Variants in LOXHD1 observed in about 807,000 individuals in gnomAD.
LOXHD1 encodes the protein lipoxygenase homology domain-containing protein 1.
Under a neutral mutation model 248.2 loss-of-function variants are expected in LOXHD1, and 205 were observed. The ratio of observed to expected loss-of-function variants is 0.83; its 90% CI spans 0.74 to 0.93. The LOEUF (loss-of-function observed/expected upper bound fraction) is 0.93, where lower values mean the gene tolerates loss of function less well. LOXHD1 is among the 40% of genes least tolerant of loss of function. The pLI is 0.00. For missense variants in LOXHD1, 2,930 were observed against 2,971.6 expected, an observed-to-expected ratio of 0.99 and a Z score of 0.33; for synonymous variants, 1,113 against 1,162.8, an observed-to-expected ratio of 0.96 and a Z score of 0.87.
At chr18:46,569,066 G>C (rs2037698729) in intron 16 of LOXHD1, among the ~76,000 whole-genome samples, 1 of 147,222 alleles carries the variant, frequency 6.8e-6, no homozygotes, top group Non-Finnish European at 1.5e-5. Context: ...CCTTTTCTTA[G>C]TCCTCCCTTC....
In LOXHD1 at chr18:46,569,167, C is replaced by T. The variant is rs368999781; in HGVS notation, c.2244+275G>A. On this transcript the variant is annotated intron_variant, in intron 16 of 40. Transcript: ENST00000642948. The stretch of plus-strand genomic sequence containing the variant: ...TATGTAGGTAAATAAAATGTTGAGG[C>T]AATGCCACTAAAAATACACATTCCA... 1.2e-4 allele frequency among the ~76,000 whole-genome samples: 19 copies of T among 152,298 alleles called. No individual in the cohort carries two copies. The East Asian group carries it at 3.1e-3, about 25-fold the overall frequency.
chr18:46,542,186 T>C (rs763586336), intron 24 of LOXHD1, among the ~76,000 whole-genome samples: 12 of 152,142 alleles, frequency 7.9e-5, no homozygotes, highest in Non-Finnish European at 1.6e-4. Context: ...CAATAGGAGA[T>C]GACAGGAGAG....
At chr18:46,482,721 T>C (rs1234293934) in intron 40 of LOXHD1, among the ~76,000 whole-genome samples, 1 of 152,236 alleles carries the variant, frequency 6.6e-6, no homozygotes, top group Non-Finnish European at 1.5e-5. Flanking sequence ...AGGTCCAGCC[T>C]GGCTGCCGCT....
At chr18:46,618,108 C>T in intron 5 of LOXHD1, 84 bp downstream of exon 5, 5 of 1,014,342 alleles carry the variant, frequency 4.9e-6, no homozygotes, top group South Asian at 1.5e-5. Context: ...GCTCAAGCTG[C>T]CTTCCTCTGC....
chr18:46,493,703 T>C (rs2033645385), intron 37 of LOXHD1, among the ~76,000 whole-genome samples: 1 of 152,208 alleles, frequency 6.6e-6, no homozygotes, highest in African/African-American at 2.4e-5. Context: ...TTAGAAACTG[T>C]GCAGTGTGAG....
chr18:46,645,535 G>A (rs1568232550), intron 2 of LOXHD1, among the ~76,000 whole-genome samples: 1 of 152,218 alleles, frequency 6.6e-6, no homozygotes, highest in Non-Finnish European at 1.5e-5. Flanking sequence ...ACATGACTCA[G>A]AGCTGGAGGT....
chr18:46,611,913 G>A (rs2038514217), intron 5 of LOXHD1, among the ~76,000 whole-genome samples: 1 of 152,142 alleles, frequency 6.6e-6, no homozygotes, highest in South Asian at 2.1e-4. Context: ...TATCTATAAA[G>A]ACGGCTCCTG....
intron 16 of LOXHD1, 65 bp from the exon 17 acceptor site, chr18:46,566,514 C>A: frequency 7.2e-7 from 1 of 1,391,964 alleles, no homozygotes; most frequent in South Asian, 1.2e-5. Context: ...GATCCCATCC[C>A]TACCTCCCCA....
intron 16 of LOXHD1, among the ~76,000 whole-genome samples, chr18:46,567,838 C>G (rs1457401370): frequency 6.6e-6 from 1 of 152,126 alleles, no homozygotes; most frequent in African/African-American, 2.4e-5. Flanking sequence ...CGGTTGGCAG[C>G]CAGAGCCCAT....
chr18:46,625,811 G>A (rs1227565369), intron 4 of LOXHD1, among the ~76,000 whole-genome samples: 1 of 152,098 alleles, frequency 6.6e-6, no homozygotes, highest in African/African-American at 2.4e-5. Context: ...TACCTACCCT[G>A]CAGTCACTCG....
chr18:46,541,104 A>G (rs1316194304), intron 25 of LOXHD1, among the ~76,000 whole-genome samples: 1 of 152,254 alleles, frequency 6.6e-6, no homozygotes, highest in Non-Finnish European at 1.5e-5. Context: ...TTCCCAGTAC[A>G]TAGTACTACA....
At chr18:46,638,976 T>C (rs1323598721) in intron 4 of LOXHD1, among the ~76,000 whole-genome samples, 2 of 152,228 alleles carry the variant, frequency 1.3e-5, no homozygotes, top group African/African-American at 4.8e-5. Flanking sequence ...GGCAATGTAA[T>C]GCCCCCCTTT....
In LOXHD1 at chr18:46,545,524, C is replaced by G; in HGVS notation, c.3515-103G>C. On this transcript the variant is annotated intron_variant, in intron 22 of 40. Transcript: ENST00000642948. ...TCTAGAAGGGCTTCCTTGATTCACTCCCTCTACCCCATCACTCCAATTTTT... is the reference window on the plus strand; with the variant it reads ...TCTAGAAGGGCTTCCTTGATTCACTGCCTCTACCCCATCACTCCAATTTTT... The G allele has an allele frequency of 8.7e-6, 7 of 801,560 alleles. No individual in the cohort carries two copies. The Admixed American group carries it at 1.4e-4, about 16-fold the overall frequency. The allele number at this position is 801,560 out of a possible 1,614,324, so 49.7% of individuals were successfully genotyped here.
Position 46,604,218 on chromosome 18 carries a change from T to G in LOXHD1, c.771A>C (p.Glu257Asp). 1 of 1,551,736 alleles carries G rather than the reference T, an allele frequency of 6.4e-7. No homozygotes were observed. The highest frequency in any genetic ancestry group is 8.7e-7 in the Non-Finnish European group (1 of 1,146,986). ...CATATTTTCTTTTGTTCCCAATATC[T>G]TCAATGACTATCTGGGAAGGAGAAG... ...AGWFLSQIVIEDIGNKRKYDF... is the reference protein window; with the variant it reads ...AGWFLSQIVIDDIGNKRKYDF... The change falls in exon 7 of 41, where the codon GAA (glutamate) becomes GAC (aspartate). Residue 257 changes from glutamate (E) to aspartate (D), a missense_variant. Coordinates refer to ENST00000642948, the MANE Select transcript of LOXHD1 (RefSeq NM_001384474.1).
intron 5 of LOXHD1, among the ~76,000 whole-genome samples, chr18:46,616,654 T>C (rs2038591820): frequency 6.6e-6 from 1 of 152,176 alleles, no homozygotes; most frequent in Non-Finnish European, 1.5e-5. Flanking sequence ...AGCATATGAA[T>C]GGTAAACTCT....
intron 21 of LOXHD1, among the ~76,000 whole-genome samples, chr18:46,548,752 G>A (rs1012114015): frequency 2.6e-5 from 4 of 152,106 alleles, no homozygotes; most frequent in East Asian, 1.9e-4. Context: ...AGGACAGAAC[G>A]AGACACACAC....
At chr18:46,632,165 TA>T (rs1262309619) in intron 4 of LOXHD1, among the ~76,000 whole-genome samples, 1 of 152,140 alleles carries the variant, frequency 6.6e-6, no homozygotes, top group Non-Finnish European at 1.5e-5. Context: ...ATACTACTTG[TA>T]AAATGTATGC....
chr18:46,611,438 C>T (rs887132148), intron 5 of LOXHD1, among the ~76,000 whole-genome samples: 6 of 152,142 alleles, frequency 3.9e-5, no homozygotes, highest in East Asian at 1.9e-4. Context: ...TTATTAACTC[C>T]GTCTTGCAAA....
At chr18:46,574,388 T>TACCCACACACACACACAC (rs2037812938) in intron 14 of LOXHD1, among the ~76,000 whole-genome samples, 1 of 125,242 alleles carries the variant, frequency 8.0e-6, no homozygotes, top group Non-Finnish European at 1.6e-5. Flanking sequence ...TGTGTACACA[T>TACCCACACACACACACAC]ACACACACAC....
Sources: allele counts gnomAD v4.1 joint callset (sites outside exome capture counted in the v4.1 genomes callset), GRCh38; gene constraint gnomAD v4.1.1; transcripts MANE v1.5; gene names NCBI Gene and HGNC (gene_info 2026-07-23, HGNC 2026-07-21).